RYR1: variants seen among roughly 807,000 people sequenced by gnomAD.
RYR1 encodes the protein ryanodine receptor 1.
In RYR1, 342 loss-of-function variants were observed where a neutral mutation model predicts 583.5. The observed-to-expected ratio is 0.59, with a 90% CI of 0.54 to 0.64. RYR1 has a LOEUF of 0.64. Ranked by LOEUF, RYR1 falls within the 30% of genes least tolerant of loss-of-function variation. The pLI is 0.00. For missense variants in RYR1, 6,032 were observed against 6,917.2 expected (o/e 0.87, Z 4.54); for synonymous variants, 2,791 against 2,822.5 (o/e 0.99, Z 0.35).
chr19:38,463,023 A>C (rs540177533), intron 20 of RYR1, among the ~76,000 whole-genome samples: 5 of 146,918 alleles, frequency 3.4e-5, no homozygotes, highest in African/African-American at 1.3e-4. Flanking sequence ...TAGCCTCCCA[A>C]GTAACTGGGA....
At position 38,489,173 on chromosome 19, in the gene RYR1, G is replaced by T; in HGVS notation, c.5548-4G>T. On this transcript the variant is annotated splice_polypyrimidine_tract_variant and splice_region_variant and intron_variant, in intron 34 of 105. Transcript: ENST00000359596. The stretch of plus-strand genomic sequence containing the variant: ...CAGTGAAGAACCGAGACTTTGTCCT[G>T]TAGGTGATGGGCATCTTTGGCGATG... 6.2e-7 allele frequency: 1 copy of T among 1,614,144 alleles called. No individual in the cohort carries two copies. The highest frequency in any genetic ancestry group is 2.2e-5 in the East Asian group (1 of 44,886).
rs1555772006 is a variant in RYR1 at position 38,463,141 on chromosome 19, G to GCA, written c.2578-281_2578-280insAC. On this transcript the variant is annotated intron_variant, in intron 20 of 105. Coordinates refer to ENST00000359596, the MANE Select transcript of RYR1 (RefSeq NM_000540.3). Reference sequence around the variant, plus strand: ...TTGAACTCCTGACCTCAGGCGATCTGCCCCCCCCCCCCCCACTTAGCCTCC... The same window carrying GCA: ...TTGAACTCCTGACCTCAGGCGATCTGCACCCCCCCCCCCCCCACTTAGCCTCC... Among the ~76,000 whole-genome samples, 10 of 32,960 alleles carry GCA rather than the reference G, an allele frequency of 3.0e-4. 1 individual carries two copies. The highest frequency in any genetic ancestry group is 2.1e-3 in the African/African-American group (10 of 4,780). The allele number at this position is 32,960 out of a possible 152,430, so 21.6% of individuals were successfully genotyped here. A position where few individuals can be genotyped will look rare whatever the true frequency, so the allele number is the denominator to read the frequency against.
intron 84 of RYR1, among the ~76,000 whole-genome samples, chr19:38,540,358 A>G (rs200390375): frequency 6.8e-6 from 1 of 146,882 alleles, no homozygotes; most frequent in Non-Finnish European, 1.5e-5. Flanking sequence ...ACCTCCAATC[A>G]TATACTACAG....
intron 42 of RYR1, among the ~76,000 whole-genome samples, chr19:38,498,325 G>C (rs1969941177): frequency 6.6e-6 from 1 of 152,148 alleles, no homozygotes; most frequent in Admixed American, 6.5e-5. Context: ...CCCTCTGGCT[G>C]TGTGTGGGGA....
rs924576035 is a variant in RYR1 at position 38,569,006 on chromosome 19, A to C, written c.13659+1089A>C. On this transcript the variant is annotated intron_variant, in intron 93 of 105. Coordinates refer to ENST00000359596, the MANE Select transcript of RYR1 (RefSeq NM_000540.3). ...GCAACATAGGGAGATCCCTGTCTCT[A>C]CAAAAGAATTTTTTTTTTTTTTGAG... Among the ~76,000 whole-genome samples, 3 of 151,620 alleles carry C rather than the reference A, an allele frequency of 2.0e-5. No homozygotes were observed. The East Asian group carries it at 5.9e-4, about 30-fold the overall frequency.
intron 27 of RYR1, among the ~76,000 whole-genome samples, chr19:38,473,008 T>C (rs1240349328): frequency 6.8e-6 from 1 of 147,000 alleles, no homozygotes; most frequent in African/African-American, 2.6e-5. Flanking sequence ...AGAGCAAGAC[T>C]GTGTCTCAAA....
intron 104 of RYR1, 132 bp from the exon 105 acceptor site, chr19:38,586,393 G>A: frequency 8.8e-7 from 1 of 1,132,656 alleles, no homozygotes; most frequent in Non-Finnish European, 1.3e-6. Flanking sequence ...GGCCAAGTGG[G>A]GAGGATTACT....
intron 84 of RYR1, among the ~76,000 whole-genome samples, chr19:38,542,042 C>G (rs1378946666): frequency 2.7e-5 from 4 of 147,496 alleles, no homozygotes; most frequent in Non-Finnish European, 5.9e-5. Flanking sequence ...GTACTCCAAC[C>G]TAGGCAACAG....
chr19:38,510,788 C>A lies in RYR1; in HGVS notation c.9122+7C>A. The A allele has an allele frequency of 1.2e-6, 2 of 1,614,130 alleles. No homozygotes were observed. Among genetic ancestry groups the A allele is most frequent in the Non-Finnish European group, 1.7e-6 (2 of 1,180,042 alleles). On this transcript the variant is annotated splice_region_variant and intron_variant, in intron 60 of 105. Transcript: ENST00000359596. ...AGAAGGAAATGATCACCAGGTGGGCCGCCTGTGACCCTGGACCCAGCCCCC... is the reference window on the plus strand; with the variant it reads ...AGAAGGAAATGATCACCAGGTGGGCAGCCTGTGACCCTGGACCCAGCCCCC...
chr19:38,527,646 G>A lies in RYR1; in HGVS notation c.10687-1G>A. 6.2e-7 allele frequency: 1 copy of A among 1,614,098 alleles called. No homozygotes were observed. The highest frequency in any genetic ancestry group is 8.5e-7 in the Non-Finnish European group (1 of 1,180,024). On this transcript the variant is annotated splice_acceptor_variant, in intron 72 of 105. Coordinates refer to ENST00000359596, the MANE Select transcript of RYR1 (RefSeq NM_000540.3). LOFTEE classifies it high-confidence loss of function. The stretch of plus-strand genomic sequence containing the variant: ...CGGCCACTCCTTCTTCCTCCCTTCA[G>A]GTCGAAGGCTCCCCGTCTCTGCGCT...
At chr19:38,459,057 A>C in intron 18 of RYR1, 89 bp from the exon 19 acceptor site, 1 of 1,165,476 alleles carries the variant, frequency 8.6e-7, no homozygotes, top group Non-Finnish European at 1.3e-6. Context: ...CAATCTCCAC[A>C]GGAGCCTCCA....
chr19:38,511,440 C>T (rs2074692534), intron 60 of RYR1, 121 bp from the exon 61 acceptor site: 2 of 1,026,126 alleles, frequency 1.9e-6, no homozygotes, highest in South Asian at 1.3e-5. Flanking sequence ...GGACCCCCTC[C>T]TGGTTCCTCT....
intron 89 of RYR1, among the ~76,000 whole-genome samples, chr19:38,558,670 T>G (rs1972985020): frequency 6.6e-6 from 1 of 151,384 alleles, no homozygotes; most frequent in African/African-American, 2.4e-5. Context: ...TCTCAGCTAC[T>G]CAGAAGACTG....
At position 38,572,290 on chromosome 19, in the gene RYR1, T is replaced by C; in HGVS notation, c.13998+20T>C. On this transcript the variant is annotated intron_variant, in intron 95 of 105. Coordinates refer to ENST00000359596, the MANE Select transcript of RYR1 (RefSeq NM_000540.3). ...CTCAAGGTGGGCCCATGGCCATGGT[T>C]CTGGGGCAAGGGCTTATTGGCTGGG... The C allele has an allele frequency of 1.5e-6, 2 of 1,358,236 alleles. No individual in the cohort carries two copies. Among genetic ancestry groups the C allele is most frequent in the Non-Finnish European group, 2.0e-6 (2 of 1,024,178 alleles). The allele number at this position is 1,358,236 out of a possible 1,614,324, so 84.1% of individuals were successfully genotyped here.
At position 38,475,686 on chromosome 19, in the gene RYR1, A is replaced by G. The variant is rs184092675; in HGVS notation, c.4293+236A>G. ...TACAGTAGAGGTGTACAGCACACTG[A>G]TATAACTCCTGGGGATCCCCAAAGC... is the stretch of plus-strand genomic sequence containing the variant. On this transcript the variant is annotated intron_variant, in intron 29 of 105. Coordinates refer to ENST00000359596, the MANE Select transcript of RYR1 (RefSeq NM_000540.3). Among the ~76,000 whole-genome samples, 188 of 152,350 alleles carry G rather than the reference A, an allele frequency of 1.2e-3. 1 individual carries two copies. Among genetic ancestry groups the G allele is most frequent in the African/African-American group, 4.4e-3 (182 of 41,586 alleles).
chr19:38,578,328 G>A (rs998714694), intron 99 of RYR1, 124 bp downstream of exon 99: 4 of 909,942 alleles, frequency 4.4e-6, no homozygotes, highest in South Asian at 1.4e-5. Flanking sequence ...TGACCCTAGG[G>A]TATCTTCTTA....
In RYR1 at chr19:38,460,514, CG is replaced by C. The variant is rs797045932; in HGVS notation, c.2505del (p.Pro836LeufsTer48). On this transcript the variant is annotated frameshift_variant, in exon 20 of 106. Transcript: ENST00000359596. LOFTEE classifies it high-confidence loss of function. The stretch of plus-strand genomic sequence containing the variant: ...CAAGGAGTATCGACGGGAGGGGCCC[CG>C]GGGGCCTCACCTGGTGGGCCCCAGT... ...PIKEYRREGPRGPHLVGPSRC... is the reference protein window; with the variant it reads ...PIKEYRREGPXGPHLVGPSRC... 26 of 1,614,042 alleles carry C rather than the reference CG, an allele frequency of 1.6e-5. No individual in the cohort carries two copies. The highest frequency in any genetic ancestry group is 1.9e-5 in the Non-Finnish European group (23 of 1,180,036).
chr19:38,563,102 C>T (rs1225148545), intron 90 of RYR1, among the ~76,000 whole-genome samples: 1 of 152,208 alleles, frequency 6.6e-6, no homozygotes, highest in Non-Finnish European at 1.5e-5. Context: ...TCTGACCCTG[C>T]GTGCTCCCCA....
intron 12 of RYR1, among the ~76,000 whole-genome samples, 158 bp from the exon 13 acceptor site, chr19:38,452,661 G>C (rs1967136804): frequency 6.6e-6 from 1 of 152,190 alleles, no homozygotes; most frequent in South Asian, 2.1e-4. Flanking sequence ...CTTGGCCATT[G>C]TGTGACCTCG....
Sources: allele counts gnomAD v4.1 joint callset (sites outside exome capture counted in the v4.1 genomes callset), GRCh38; gene constraint gnomAD v4.1.1; transcripts MANE v1.5; gene names NCBI Gene and HGNC (gene_info 2026-07-23, HGNC 2026-07-21).